EYA2: variants seen among roughly 807,000 people sequenced by gnomAD.
EYA2 encodes EYA transcriptional coactivator and phosphatase 2.
EYA2 carries 31 observed loss-of-function variants against 69.2 expected under a neutral mutation model. That is an observed-to-expected ratio of 0.45 (90% CI 0.34 to 0.60). EYA2 has a LOEUF of 0.60. EYA2 is among the 20% of genes least tolerant of loss of function. The pLI is 0.02. For missense variants in EYA2, 622 were observed against 701.2 expected (o/e 0.89, Z 1.28); for synonymous variants, 257 against 279.4 (o/e 0.92, Z 0.80).
intron 1 of EYA2, among the ~76,000 whole-genome samples, chr20:46,971,630 A>G (rs372909306): frequency 2.6e-5 from 4 of 152,210 alleles, no homozygotes; most frequent in Admixed American, 1.3e-4. Flanking sequence ...TCACCTAACA[A>G]TCTCTACCAC....
chr20:47,166,393 TAAAAAAAAAAAAAAAAAA>T lies in EYA2; in HGVS notation c.979-2725_979-2708del, dbSNP rs370944686. 1.7e-3 allele frequency among the ~76,000 whole-genome samples: 57 copies of T among 34,522 alleles called. 1 individual carries two copies. The highest frequency in any genetic ancestry group is 2.9e-3 in the African/African-American group (41 of 14,198). 22.6% of individuals were successfully genotyped at this position (34,522 alleles called of 152,430 possible). A position where few individuals can be genotyped will look rare whatever the true frequency, so the allele number is the denominator to read the frequency against. On this transcript the variant is annotated intron_variant, in intron 10 of 15. Coordinates refer to ENST00000327619, the MANE Select transcript of EYA2 (RefSeq NM_005244.5). Reference sequence around the variant, plus strand: ...GCTTGGGTGACAGAGCAAGACTGTCTAAAAAAAAAAAAAAAAAAAAAAAAAAAAAAAAAAAAAAGCTTT... The same window carrying T: ...GCTTGGGTGACAGAGCAAGACTGTCTAAAAAAAAAAAAAAAAAAAAGCTTT...
intron 1 of EYA2, among the ~76,000 whole-genome samples, chr20:46,929,022 A>G (rs1182293942): frequency 1.3e-5 from 2 of 152,166 alleles, no homozygotes; most frequent in East Asian, 1.9e-4. Flanking sequence ...AGGGCAGACT[A>G]TCATAAGGAG....
intron 13 of EYA2, 40 bp from the exon 14 acceptor site, chr20:47,180,775 G>A (rs781755054): frequency 8.1e-6 from 13 of 1,604,350 alleles, no homozygotes; most frequent in Middle Eastern, 3.3e-4. Context: ...TGGCCTTGTG[G>A]TCCCTCTGAG....
chr20:47,023,446 T>C (rs995889755), intron 5 of EYA2, among the ~76,000 whole-genome samples: 23 of 152,180 alleles, frequency 1.5e-4, no homozygotes, highest in Non-Finnish European at 2.6e-4. Context: ...GGATTTATCA[T>C]TTCCATCAAA....
chr20:46,969,352 G>A (rs1979998714), intron 1 of EYA2, among the ~76,000 whole-genome samples: 1 of 152,088 alleles, frequency 6.6e-6, no homozygotes, highest in Non-Finnish European at 1.5e-5. Flanking sequence ...CAAAGTGCTG[G>A]GATTACAGGC....
intron 1 of EYA2, among the ~76,000 whole-genome samples, chr20:46,969,110 C>A (rs1393422306): frequency 6.6e-6 from 1 of 152,270 alleles, no homozygotes; most frequent in Non-Finnish European, 1.5e-5. Context: ...TTCCTTGATC[C>A]AAGGTGAAAT....
At chr20:47,165,616 G>A (rs2034166243) in intron 10 of EYA2, among the ~76,000 whole-genome samples, 1 of 152,214 alleles carries the variant, frequency 6.6e-6, no homozygotes, top group Non-Finnish European at 1.5e-5. Flanking sequence ...AAGGTCCTAT[G>A]CAGAGGCGAG....
chr20:47,048,229 C>T (rs965384737), intron 5 of EYA2, among the ~76,000 whole-genome samples: 2 of 152,242 alleles, frequency 1.3e-5, no homozygotes, highest in East Asian at 1.9e-4. Context: ...TGGCATTTTT[C>T]CCCAGTATTA....
chr20:47,152,526 G>A lies in EYA2; in HGVS notation c.978+9378G>A, dbSNP rs1432088707. The stretch of plus-strand genomic sequence containing the variant: ...TAGGGGGGCGCATTAGAAACTAGGG[G>A]TGGGGCCAGGCATGGTGGCTCACGC... On this transcript the variant is annotated intron_variant, in intron 10 of 15. Coordinates refer to ENST00000327619, the MANE Select transcript of EYA2 (RefSeq NM_005244.5). Among the ~76,000 whole-genome samples the A allele has an allele frequency of 2.0e-5, 3 of 151,748 alleles. 1 individual carries two copies. In the East Asian group the frequency reaches 5.9e-4, roughly 30 times the overall value.
chr20:47,145,635 A>G lies in EYA2; in HGVS notation c.978+2487A>G, dbSNP rs373144487. 1.6e-4 allele frequency among the ~76,000 whole-genome samples: 24 copies of G among 152,310 alleles called. 1 individual carries two copies. The East Asian group carries it at 3.1e-3, about 20-fold the overall frequency. The stretch of plus-strand genomic sequence containing the variant: ...AAATGTGGTCTGGGCATGGTGGCTC[A>G]CACCTGTAATCCCAGCACTTTGGGA... On this transcript the variant is annotated intron_variant, in intron 10 of 15. Transcript: ENST00000327619.
At chr20:47,169,501 T>A (rs1252163517) in intron 11 of EYA2, among the ~76,000 whole-genome samples, 1 of 152,034 alleles carries the variant, frequency 6.6e-6, no homozygotes, top group Non-Finnish European at 1.5e-5. Flanking sequence ...AATAAATGAG[T>A]AAAAATTTGT....
At position 47,172,589 on chromosome 20, in the gene EYA2, G is replaced by A. The variant is rs958028248; in HGVS notation, c.1038-118G>A. 63 of 1,008,764 alleles carry A rather than the reference G, an allele frequency of 6.2e-5. No individual in the cohort carries two copies. In the East Asian group the frequency reaches 1.3e-3, roughly 21 times the overall value. 62.5% of individuals were successfully genotyped at this position (1,008,764 alleles called of 1,614,324 possible). A position where few individuals can be genotyped will look rare whatever the true frequency, so the allele number is the denominator to read the frequency against. ...ACACTCGCAGCACCCTGTGCATTTC[G>A]AGGGGCTCATGGACACCCAAAAGCC... is the stretch of plus-strand genomic sequence containing the variant. On this transcript the variant is annotated intron_variant, in intron 11 of 15. Coordinates refer to ENST00000327619, the MANE Select transcript of EYA2 (RefSeq NM_005244.5).
rs1179329390 is a variant in EYA2 at position 46,929,429 on chromosome 20, G to T, written c.-11+34442G>T. Among the ~76,000 whole-genome samples the T allele has an allele frequency of 2.3e-4, 30 of 127,866 alleles. 1 individual carries two copies. The highest frequency in any genetic ancestry group is 1.1e-4 in the African/African-American group (4 of 35,668). 83.9% of individuals were successfully genotyped at this position (127,866 alleles called of 152,430 possible). A position where few individuals can be genotyped will look rare whatever the true frequency, so the allele number is the denominator to read the frequency against. On this transcript the variant is annotated intron_variant, in intron 1 of 15. Transcript: ENST00000327619. ...TGGACTGAGAAGGGGCTTTTTTTTT[G>T]AGGAAATTTGTGTTCTCAGGGATGA...
chr20:46,929,171 A>G (rs1209163059), intron 1 of EYA2, among the ~76,000 whole-genome samples: 1 of 150,054 alleles, frequency 6.7e-6, no homozygotes, highest in Non-Finnish European at 1.5e-5. Context: ...AAAAAAAAAA[A>G]AGAAGAAAAG....
intron 11 of EYA2, among the ~76,000 whole-genome samples, chr20:47,171,306 T>C (rs2034317072): frequency 1.3e-5 from 2 of 152,376 alleles, no homozygotes; most frequent in Middle Eastern, 3.4e-3. Context: ...AGAGACCAAA[T>C]TCTCCACTTA....
intron 1 of EYA2, among the ~76,000 whole-genome samples, chr20:46,969,925 G>A (rs6063048): frequency 0.2 from 30,866 of 152,164 alleles, 3,599 homozygotes; most frequent in Non-Finnish European, 0.27. Flanking sequence ...GCATGCAGAG[G>A]TCACACATGT....
intron 1 of EYA2, among the ~76,000 whole-genome samples, chr20:46,950,785 CAAG>C (rs969263846): frequency 6.6e-6 from 1 of 152,142 alleles, no homozygotes; most frequent in Non-Finnish European, 1.5e-5. Flanking sequence ...TGTGGGTTCC[CAAG>C]AAGCTGACCT....
At chr20:47,158,433 C>T (rs1334465358) in intron 10 of EYA2, among the ~76,000 whole-genome samples, 1 of 151,532 alleles carries the variant, frequency 6.6e-6, no homozygotes, top group Non-Finnish European at 1.5e-5. Context: ...AGGAGAATCG[C>T]TTGAACCCAG....
At chr20:47,183,925 C>A (rs1434507744) in intron 15 of EYA2, among the ~76,000 whole-genome samples, 2 of 152,130 alleles carry the variant, frequency 1.3e-5, no homozygotes, top group Admixed American at 6.5e-5. Context: ...ACCCCCAACC[C>A]GGAGGCCTGG....
Sources: allele counts gnomAD v4.1 joint callset (sites outside exome capture counted in the v4.1 genomes callset), GRCh38; gene constraint gnomAD v4.1.1; transcripts MANE v1.5; gene names NCBI Gene and HGNC (gene_info 2026-07-23, HGNC 2026-07-21).